Variants in ALPK1 observed in about 807,000 individuals in gnomAD.
The protein encoded by ALPK1 is alpha kinase 1.
In ALPK1, 110 loss-of-function variants were observed where a neutral mutation model predicts 120.6. That is an observed-to-expected ratio of 0.91 (90% CI 0.78 to 1.07). The LOEUF is 1.07. Ranked by LOEUF, ALPK1 falls within the 50% of genes least tolerant of loss-of-function variation. ALPK1 has a pLI of 0.00. For missense variants in ALPK1, 1,498 were observed against 1,483.9 expected (o/e 1.01, Z -0.16); for synonymous variants, 582 against 560.3 (o/e 1.04, Z -0.55).
intron 4 of ALPK1, 199 bp from the exon 5 acceptor site, chr4:112,411,628 T>C: frequency 1.7e-6 from 1 of 601,494 alleles, no homozygotes; most frequent in Non-Finnish European, 2.9e-6. Context: ...GGAAATTGAA[T>C]GAAGGAAATA....
In ALPK1 at chr4:112,441,830, C is replaced by T. The variant is rs142198336; in HGVS notation, c.*620C>T. ...TAAAAAGTAAGATGGAAGAGTGGTA[C>T]AGTTTTCTTTATCCAGTCTGTCCTT... On this transcript the variant is annotated 3_prime_UTR_variant, in exon 16 of 16. Coordinates refer to ENST00000650871, the MANE Select transcript of ALPK1 (RefSeq NM_025144.4). The T allele has an allele frequency of 4.6e-4, 70 of 152,756 alleles. No individual in the cohort carries two copies. Among genetic ancestry groups the T allele is most frequent in the African/African-American group, 1.7e-3 (70 of 41,540 alleles). 9.5% of individuals were successfully genotyped at this position (152,756 alleles called of 1,614,324 possible).
intron 5 of ALPK1, among the ~76,000 whole-genome samples, chr4:112,422,760 C>A (rs1319846535): frequency 6.6e-6 from 1 of 152,224 alleles, no homozygotes; most frequent in Non-Finnish European, 1.5e-5. Flanking sequence ...TTCATCCACA[C>A]AGTAGGCATT....
chr4:112,305,892 A>G (rs1182171786), intron 1 of ALPK1, among the ~76,000 whole-genome samples: 2 of 152,024 alleles, frequency 1.3e-5, no homozygotes, highest in African/African-American at 4.8e-5. Flanking sequence ...GGTTTGTCAT[A>G]GATAGCTCTT....
At chr4:112,301,737 C>T (rs1213376017) in intron 1 of ALPK1, among the ~76,000 whole-genome samples, 1 of 152,126 alleles carries the variant, frequency 6.6e-6, no homozygotes, top group Non-Finnish European at 1.5e-5. Flanking sequence ...AGCAGTCTCA[C>T]ATTTTATTTA....
chr4:112,423,270 TG>T (rs1421339012), intron 5 of ALPK1, among the ~76,000 whole-genome samples: 2 of 152,148 alleles, frequency 1.3e-5, no homozygotes, highest in Admixed American at 1.3e-4. Flanking sequence ...AAAACTCTGA[TG>T]TGGTAATGAG....
At chr4:112,416,231 G>A (rs1274436632) in intron 5 of ALPK1, among the ~76,000 whole-genome samples, 1 of 152,058 alleles carries the variant, frequency 6.6e-6, no homozygotes, top group Non-Finnish European at 1.5e-5. Context: ...TTCTAACCAC[G>A]TGCCTGGCTG....
At chr4:112,305,499 T>A (rs1486845608) in intron 1 of ALPK1, among the ~76,000 whole-genome samples, 1 of 152,074 alleles carries the variant, frequency 6.6e-6, no homozygotes, top group East Asian at 1.9e-4. Context: ...GGTATTTTAT[T>A]CTCTTTGAAG....
At chr4:112,351,061 T>TA (rs1730331419) in intron 2 of ALPK1, among the ~76,000 whole-genome samples, 1 of 152,174 alleles carries the variant, frequency 6.6e-6, no homozygotes, top group Non-Finnish European at 1.5e-5. Flanking sequence ...CTCTTCCAGC[T>TA]ATGTGGGCCA....
At chr4:112,418,573 C>T (rs149600538) in intron 5 of ALPK1, among the ~76,000 whole-genome samples, 2 of 152,288 alleles carry the variant, frequency 1.3e-5, no homozygotes, top group African/African-American at 4.8e-5. Flanking sequence ...GAGGAGCACA[C>T]CAAGTCAGGA....
intron 2 of ALPK1, chr4:112,358,901 C>T (rs1578497777): frequency 2.6e-6 from 2 of 770,454 alleles, no homozygotes; most frequent in Middle Eastern, 2.3e-4. Flanking sequence ...TTGGCCTCCT[C>T]TTTGCTGAAA....
At chr4:112,394,099 C>T (rs1451474147) in intron 4 of ALPK1, among the ~76,000 whole-genome samples, 1 of 152,078 alleles carries the variant, frequency 6.6e-6, no homozygotes, top group Non-Finnish European at 1.5e-5. Context: ...AGAGGCTCAC[C>T]AAGTCACACA....
At chr4:112,333,075 A>C (rs1304000527) in intron 2 of ALPK1, among the ~76,000 whole-genome samples, 1 of 152,142 alleles carries the variant, frequency 6.6e-6, no homozygotes, top group Non-Finnish European at 1.5e-5. Context: ...CCACACTTCT[A>C]TTTGCTAGGG....
At chr4:112,358,434 C>T in intron 2 of ALPK1, 1 of 649,924 alleles carries the variant, frequency 1.5e-6, no homozygotes, top group Non-Finnish European at 2.8e-6. Flanking sequence ...TCAACTGGCC[C>T]CCTCCTCTCC....
chr4:112,357,782 G>T, intron 2 of ALPK1: 1 of 1,058,206 alleles, frequency 9.4e-7, no homozygotes, highest in East Asian at 2.4e-5. Flanking sequence ...GTGCCCTATG[G>T]GCTCCTGATC....
chr4:112,337,974 A>G (rs1295274159), intron 2 of ALPK1, among the ~76,000 whole-genome samples: 2 of 151,936 alleles, frequency 1.3e-5, no homozygotes, highest in African/African-American at 4.8e-5. Context: ...ATTTTATGTC[A>G]TTTTTCTTTT....
At chr4:112,422,890 AGAAGGGAAGGCAGAATTTAAAGATCCC>A in intron 5 of ALPK1, among the ~76,000 whole-genome samples, 1 of 152,252 alleles carries the variant, frequency 6.6e-6, no homozygotes. Flanking sequence ...CTAAGTTCCA[AGAAGGGAAGGCAGAATTTAAAGATCCC>A]TTAACGCCCA....
chr4:112,357,988 C>G, intron 2 of ALPK1: 1 of 679,278 alleles, frequency 1.5e-6, no homozygotes, highest in Middle Eastern at 3.0e-4. Flanking sequence ...TGGCGGTATG[C>G]CGGGGAAACA....
intron 12 of ALPK1, among the ~76,000 whole-genome samples, chr4:112,437,652 A>G (rs994549449): frequency 6.6e-6 from 1 of 152,228 alleles, no homozygotes; most frequent in Non-Finnish European, 1.5e-5. Context: ...TTCTGAGGCC[A>G]TACTGCAGCC....
chr4:112,399,760 C>T (rs1020709668), intron 4 of ALPK1, among the ~76,000 whole-genome samples: 1 of 152,050 alleles, frequency 6.6e-6, no homozygotes, highest in Non-Finnish European at 1.5e-5. Flanking sequence ...TCCTCCACCC[C>T]TCTACAGGCC....
Sources: allele counts gnomAD v4.1 joint callset (sites outside exome capture counted in the v4.1 genomes callset), GRCh38; gene constraint gnomAD v4.1.1; transcripts MANE v1.5; gene names NCBI Gene and HGNC (gene_info 2026-07-23, HGNC 2026-07-21).